The following KCNN1 variants were observed in gnomAD, a reference collection of about 807,000 sequenced individuals.
KCNN1 encodes small conductance calcium-activated potassium channel protein 1.
Under a neutral mutation model 44.7 loss-of-function variants are expected in KCNN1, and 20 were observed. That is an observed-to-expected ratio of 0.45 (90% confidence interval 0.32 to 0.65). The LOEUF is 0.65. Among genes scored for constraint, KCNN1 ranks in the 30% least tolerant of loss-of-function variants. The pLI is 0.05. For missense variants in KCNN1, 632 were observed against 785.3 expected (o/e 0.80, Z 2.33); for synonymous variants, 324 against 341.7 (o/e 0.95, Z 0.57).
intron 3 of KCNN1, 76 bp from the exon 4 acceptor site, chr19:17,981,633 G>A (rs11666833): frequency 0.18 from 242,483 of 1,340,716 alleles, 22,546 homozygotes; most frequent in Middle Eastern, 0.21. Context: ...GTCACTCTCT[G>A]GGGGCGCGGT....
At chr19:17,996,449 T>A (rs2032996773) in intron 9 of KCNN1, among the ~76,000 whole-genome samples, 1 of 151,808 alleles carries the variant, frequency 6.6e-6, no homozygotes, top group African/African-American at 2.4e-5. Context: ...CCACTAAAAA[T>A]ACAAAAATTA....
chr19:17,965,012 A>G (rs1243766562), upstream of KCNN1, among the ~76,000 whole-genome samples: 1 of 152,146 alleles, frequency 6.6e-6, no homozygotes, highest in Non-Finnish European at 1.5e-5. Flanking sequence ...GCGGTGGCTC[A>G]CGCCTGTAAT....
chr19:17,952,973 G>A (rs2031452742), intron 1 of KCNN1, among the ~76,000 whole-genome samples: 1 of 152,156 alleles, frequency 6.6e-6, no homozygotes, highest in African/African-American at 2.4e-5. Context: ...GACCCAGCTG[G>A]GGAGGTCAGC....
intron 2 of KCNN1, among the ~76,000 whole-genome samples, chr19:17,955,933 T>G (rs2031534235): frequency 6.6e-6 from 1 of 151,902 alleles, no homozygotes; most frequent in Admixed American, 6.6e-5. Flanking sequence ...TTGTTTTGTT[T>G]TGTTTGTTTG....
Position 17,955,964 on chromosome 19 carries a change from C to G in KCNN1, c.-82+1283C>G, listed in dbSNP as rs530807446. 2.0e-5 allele frequency among the ~76,000 whole-genome samples: 3 copies of G among 151,976 alleles called. No homozygotes were observed. In the East Asian group the frequency reaches 5.8e-4, roughly 29 times the overall value. ...GTTTGTTTTGAGACAGAGTCTGACT[C>G]TGTCGCCCAGGCTGGAGCGCAGTGG... is the stretch of plus-strand genomic sequence containing the variant. On this transcript the variant is annotated intron_variant, in intron 2 of 10. Transcript: ENST00000222249.
In KCNN1 at chr19:17,987,686, G is replaced by A. The variant is rs115605007; in HGVS notation, c.1060-729G>A. ...TCTAGGCCAACCCTGCTCAGGCTCA[G>A]GGTGTTGGCATCTAAACCTGCCTGG... On this transcript the variant is annotated intron_variant, in intron 5 of 9. Transcript: ENST00000684775. Among the ~76,000 whole-genome samples the A allele has an allele frequency of 3.3e-3, 497 of 152,080 alleles. 1 individual carries two copies. The highest frequency in any genetic ancestry group is 0.024 in the South Asian group (116 of 4,820).
At chr19:17,979,318 A>G (rs2032315399) in intron 3 of KCNN1, among the ~76,000 whole-genome samples, 1 of 149,740 alleles carries the variant, frequency 6.7e-6, no homozygotes, top group East Asian at 2.0e-4. Flanking sequence ...CTGTAGTCCC[A>G]GCTACTCGGG....
rs1023168676 is a variant in KCNN1 at position 17,988,403 on chromosome 19, C to T, written c.1060-12C>T. 1.2e-6 allele frequency: 2 copies of T among 1,605,778 alleles called. No homozygotes were observed. The highest frequency in any genetic ancestry group is 1.7e-6 in the Non-Finnish European group (2 of 1,175,952). ...ACAGGACGCTGATGTGCCCCCTCTGCCCTGCACACAGGGAGCTGGCTGTAC... is the reference window on the plus strand; with the variant it reads ...ACAGGACGCTGATGTGCCCCCTCTGTCCTGCACACAGGGAGCTGGCTGTAC... On this transcript the variant is annotated splice_polypyrimidine_tract_variant and intron_variant, in intron 5 of 9. Transcript: ENST00000684775.
chr19:17,962,401 G>T (rs959220516), upstream of KCNN1, among the ~76,000 whole-genome samples: 6 of 152,088 alleles, frequency 3.9e-5, no homozygotes, highest in African/African-American at 1.4e-4. Flanking sequence ...TTTTTCCTCC[G>T]TGTTCTGTCT....
At position 17,998,374 on chromosome 19, in the gene KCNN1, T is replaced by TGG. The variant is rs2033077144; in HGVS notation, c.1601_1602dup (p.Thr535GlyfsTer46). 2.0e-6 allele frequency: 3 copies of TGG among 1,494,398 alleles called. No individual in the cohort carries two copies. Among genetic ancestry groups the TGG allele is most frequent in the African/African-American group, 1.4e-5 (1 of 71,718 alleles). 92.6% of individuals were successfully genotyped at this position (1,494,398 alleles called of 1,614,324 possible). A position where few individuals can be genotyped will look rare whatever the true frequency, so the allele number is the denominator to read the frequency against. On this transcript the variant is annotated frameshift_variant, in exon 10 of 10. Transcript: ENST00000684775. LOFTEE classifies it high-confidence loss of function. The surrounding 1 kb of genome is among the most constrained non-coding windows in gnomAD (Gnocchi z 5.4). ...GGCAGCCCGGAGCTCCCCCTGCCGG[T>TGG]GGACGCCCGTGGCCCCCTCGGACTG...
chr19:17,997,209 C>T (rs1443217013), intron 9 of KCNN1, among the ~76,000 whole-genome samples: 2 of 152,170 alleles, frequency 1.3e-5, no homozygotes, highest in Non-Finnish European at 1.5e-5. Context: ...CAGTCACCTT[C>T]GTCATTAGAC....
At position 17,993,567 on chromosome 19, in the gene KCNN1, G is replaced by A. The variant is rs887084364; in HGVS notation, c.1377+8G>A. ...CTTACCGACCTAGCCAAGGTGAGTG[G>A]GTTGGGGCAGGGTGGGCCAGACAGG... On this transcript the variant is annotated splice_region_variant and intron_variant, in intron 9 of 9. Coordinates refer to ENST00000684775, the MANE Select transcript of KCNN1 (RefSeq NM_001386974.1). The surrounding 1 kb of genome is among the most constrained non-coding windows in gnomAD (Gnocchi z 4.5). 6.2e-7 allele frequency: 1 copy of A among 1,608,772 alleles called. No homozygotes were observed. The highest frequency in any genetic ancestry group is 1.3e-5 in the African/African-American group (1 of 74,876).
intron 3 of KCNN1, 142 bp from the exon 4 acceptor site, chr19:17,981,567 A>C: frequency 1.5e-6 from 1 of 681,388 alleles, no homozygotes; most frequent in Non-Finnish European, 2.3e-6. Context: ...AAAAAAAAAA[A>C]AGAAAGAAAG....
chr19:17,971,743 C>T (rs531282154), intron 1 of KCNN1, among the ~76,000 whole-genome samples: 12 of 152,082 alleles, frequency 7.9e-5, no homozygotes, highest in South Asian at 2.1e-4. Flanking sequence ...GGATTCCAGG[C>T]GTGAGCCACC....
At chr19:17,986,449 C>T (rs941306467) in intron 5 of KCNN1, among the ~76,000 whole-genome samples, 2 of 152,020 alleles carry the variant, frequency 1.3e-5, no homozygotes, top group Non-Finnish European at 2.9e-5. Context: ...CGGGGTGTTC[C>T]CTGAGTTTTT....
At chr19:17,970,372 C>CAGTG (rs2031976631) in intron 1 of KCNN1, among the ~76,000 whole-genome samples, 1 of 122,760 alleles carries the variant, frequency 8.1e-6, no homozygotes, top group Non-Finnish European at 1.6e-5. Flanking sequence ...GGCTGGAATG[C>CAGTG]AGTGGCATGA....
In KCNN1 at chr19:17,994,694, C is replaced by G. The variant is rs182293352; in HGVS notation, c.1377+1135C>G. Among the ~76,000 whole-genome samples the G allele has an allele frequency of 9.3e-3, 1,422 of 152,246 alleles. 15 individuals carry two copies. The highest frequency in any genetic ancestry group is 0.013 in the Non-Finnish European group (889 of 68,026). On this transcript the variant is annotated intron_variant, in intron 9 of 9. Transcript: ENST00000684775. ...GAGTAGCTGGGATTACAGGCATGCA[C>G]CAGCATGCCCGGCTAATTTTTGTAC...
At position 17,988,495 on chromosome 19, in the gene KCNN1, C is replaced by G; in HGVS notation, c.1140C>G (p.Asn380Lys). The G allele has an allele frequency of 6.2e-7, 1 of 1,613,900 alleles. No homozygotes were observed. The highest frequency in any genetic ancestry group is 8.5e-7 in the Non-Finnish European group (1 of 1,179,912). The stretch of plus-strand genomic sequence containing the variant: ...CCAAGGCTGAGAAGCACGTGCACAA[C>G]TTCATGATGGACACTCAGCTCACCA... Reference protein sequence around the residue: ...ELTKAEKHVHNFMMDTQLTKR... With the variant: ...ELTKAEKHVHKFMMDTQLTKR... Residue 380 changes from asparagine (N) to lysine (K), a missense_variant, in exon 6 of 10, where the codon AAC (asparagine) becomes AAG (lysine). Around this residue, in one of 3 missense-constraint regions of KCNN1, gnomAD observed 237 missense variants for 253.0 expected, o/e 0.94. Coordinates refer to ENST00000684775, the MANE Select transcript of KCNN1 (RefSeq NM_001386974.1).
chr19:17,988,272 C>A, intron 5 of KCNN1, 143 bp from the exon 6 acceptor site: 1 of 642,290 alleles, frequency 1.6e-6, no homozygotes, highest in Admixed American at 2.4e-5. Flanking sequence ...AACGAGTAGA[C>A]CTGAAGTCAG....
Sources: gnomAD v4.1 joint callset for allele counts (sites outside exome capture counted in the v4.1 genomes callset) on GRCh38, gnomAD v4.1.1 for gene constraint, gnomAD v4.1.1 regional missense constraint, Gnocchi (gnomAD v3.1) non-coding constraint, MANE v1.5 for transcripts, NCBI Gene and HGNC (gene_info 2026-07-23, HGNC 2026-07-21) for gene names.